FAF1: variants seen among roughly 807,000 people sequenced by gnomAD.
FAF1 encodes the protein FAS-associated factor 1.
A neutral mutation model predicts 92.5 loss-of-function variants in FAF1; 25 were observed. The observed-to-expected ratio is 0.27, with a 90% CI of 0.20 to 0.38. The LOEUF (loss-of-function observed/expected upper bound fraction) is 0.38, where lower values mean the gene tolerates loss of function less well. Ranked by LOEUF, FAF1 falls within the 10% of genes least tolerant of loss-of-function variation. The pLI is 1.00. For synonymous variants in FAF1, 234 were observed against 273.2 expected (o/e 0.86, Z 1.42); for missense variants, 636 against 793.3 (o/e 0.80, Z 2.38).
At chr1:50,667,038 G>A (rs1655671414) in intron 7 of FAF1, among the ~76,000 whole-genome samples, 1 of 152,332 alleles carries the variant, frequency 6.6e-6, no homozygotes, top group East Asian at 1.9e-4. Flanking sequence ...GTGCTGTAGA[G>A]GAAGAACAAC....
chr1:50,674,910 A>G lies in FAF1; in HGVS notation c.658-19382T>C, dbSNP rs984387985. On this transcript the variant is annotated intron_variant, in intron 7 of 18. Coordinates refer to ENST00000396153, the MANE Select transcript of FAF1 (RefSeq NM_007051.3). ...TTATTTTATTTTATTTTATTTTGAG[A>G]TGCAGTTTCGCTCTTTGTTGCCCAG... Among the ~76,000 whole-genome samples the G allele has an allele frequency of 3.4e-4, 37 of 109,354 alleles. No homozygotes were observed. In the South Asian group the frequency reaches 8.3e-3, roughly 25 times the overall value. 71.7% of individuals were successfully genotyped at this position (109,354 alleles called of 152,430 possible).
chr1:50,760,992 A>T (rs1569901269), intron 4 of FAF1, among the ~76,000 whole-genome samples: 2 of 152,304 alleles, frequency 1.3e-5, no homozygotes, highest in South Asian at 4.1e-4. Flanking sequence ...GCAATAAAAA[A>T]TGATAAAGGG....
At chr1:50,821,928 C>T (rs1026937372) in intron 2 of FAF1, among the ~76,000 whole-genome samples, 18 of 151,932 alleles carry the variant, frequency 1.2e-4, no homozygotes, top group Non-Finnish European at 2.1e-4. Flanking sequence ...AAATGGCCTA[C>T]GGTCACCGAA....
intron 8 of FAF1, among the ~76,000 whole-genome samples, chr1:50,597,912 T>A (rs1342659212): frequency 6.6e-6 from 1 of 152,250 alleles, no homozygotes; most frequent in Non-Finnish European, 1.5e-5. Context: ...AGGAGACGGC[T>A]AAGTGTAGAA....
chr1:50,736,870 T>A lies in FAF1; in HGVS notation c.551+1993A>T, dbSNP rs182659179. Among the ~76,000 whole-genome samples, 24 of 146,386 alleles carry A rather than the reference T, an allele frequency of 1.6e-4. 1 individual carries two copies. ...ATCAACTTTTAAGGTTCTGCATGGATTTTGTTTTGTTTTTTAAATTGTCTC... is the reference window on the plus strand; with the variant it reads ...ATCAACTTTTAAGGTTCTGCATGGAATTTGTTTTGTTTTTTAAATTGTCTC... On this transcript the variant is annotated intron_variant, in intron 6 of 18. Coordinates refer to ENST00000396153, the MANE Select transcript of FAF1 (RefSeq NM_007051.3).
At chr1:50,449,677 A>T (rs1646271341) in intron 18 of FAF1, among the ~76,000 whole-genome samples, 1 of 150,690 alleles carries the variant, frequency 6.6e-6, no homozygotes, top group South Asian at 2.1e-4. Flanking sequence ...TTTAGTAGAG[A>T]CAAGTTTTCG....
Position 50,472,856 on chromosome 1 carries a change from C to T in FAF1, c.1869+2608G>A, listed in dbSNP as rs575691759. 1.2e-4 allele frequency among the ~76,000 whole-genome samples: 18 copies of T among 152,200 alleles called. No homozygotes were observed. In the East Asian group the frequency reaches 1.7e-3, roughly 15 times the overall value. On this transcript the variant is annotated intron_variant, in intron 18 of 18. Transcript: ENST00000396153. ...GACACAGATGGCTGTTACAGAATAG[C>T]CTTGCAAAAACACTAGTCATTTGAC...
At chr1:50,906,289 G>C (rs1644837666) in intron 1 of FAF1, among the ~76,000 whole-genome samples, 1 of 152,184 alleles carries the variant, frequency 6.6e-6, no homozygotes, top group African/African-American at 2.4e-5. Context: ...TAGCTTTGTA[G>C]TATAGTTTGA....
chr1:50,923,278 G>A (rs184498143), intron 1 of FAF1, among the ~76,000 whole-genome samples: 1 of 151,960 alleles, frequency 6.6e-6, no homozygotes, highest in Non-Finnish European at 1.5e-5. Context: ...AAAAAATTTA[G>A]CCAGGCAAAG....
At chr1:50,865,346 C>A (rs992986793) in intron 1 of FAF1, among the ~76,000 whole-genome samples, 4 of 150,680 alleles carry the variant, frequency 2.7e-5, no homozygotes, top group African/African-American at 7.3e-5. Context: ...GGGTATATAC[C>A]CAAAGGACTA....
intron 2 of FAF1, chr1:50,846,618 T>A (rs1052412281): frequency 1.3e-5 from 7 of 531,234 alleles, no homozygotes; most frequent in Non-Finnish European, 1.9e-5. Context: ...CCTTGTAAGA[T>A]CTCCACCCAC....
intron 7 of FAF1, among the ~76,000 whole-genome samples, chr1:50,673,954 G>A (rs1054186546): frequency 6.6e-6 from 1 of 151,192 alleles, no homozygotes; most frequent in African/African-American, 2.4e-5. Context: ...GTGACTCTGA[G>A]GCTTTTTTTT....
At chr1:50,860,915 C>G (rs763546901) in intron 1 of FAF1, among the ~76,000 whole-genome samples, 1 of 151,790 alleles carries the variant, frequency 6.6e-6, no homozygotes, top group African/African-American at 2.4e-5. Context: ...AAGAGAACTA[C>G]GTCATGTCCT....
intron 17 of FAF1, among the ~76,000 whole-genome samples, chr1:50,483,404 C>T (rs1435424360): frequency 6.6e-6 from 1 of 152,046 alleles, no homozygotes; most frequent in Non-Finnish European, 1.5e-5. Context: ...AAGTCCTGCA[C>T]TCTAGTAACG....
intron 8 of FAF1, among the ~76,000 whole-genome samples, chr1:50,635,771 T>C (rs1653980617): frequency 6.6e-6 from 1 of 152,210 alleles, no homozygotes; most frequent in Admixed American, 6.5e-5. Flanking sequence ...CTTGATGTCA[T>C]GCCTGGCCTT....
chr1:50,712,908 T>A (rs1034397950), intron 6 of FAF1, among the ~76,000 whole-genome samples: 2 of 151,888 alleles, frequency 1.3e-5, no homozygotes, highest in African/African-American at 4.8e-5. Flanking sequence ...ACACCTGTAA[T>A]CTGAACACTT....
At chr1:50,573,629 G>C (rs1347479319) in intron 12 of FAF1, among the ~76,000 whole-genome samples, 2 of 152,020 alleles carry the variant, frequency 1.3e-5, no homozygotes, top group African/African-American at 2.4e-5. Context: ...AGACCAACAA[G>C]CATCAACCAA....
At chr1:50,925,900 A>G (rs1645002854) in intron 1 of FAF1, among the ~76,000 whole-genome samples, 1 of 152,218 alleles carries the variant, frequency 6.6e-6, no homozygotes, top group South Asian at 2.1e-4. Context: ...ACACAATAGA[A>G]TACTATTCCT....
intron 8 of FAF1, among the ~76,000 whole-genome samples, chr1:50,649,333 TAG>T (rs1327011396): frequency 2.6e-5 from 4 of 151,700 alleles, no homozygotes; most frequent in Non-Finnish European, 5.9e-5. Flanking sequence ...GTATTTTCAG[TAG>T]AGATGGGGTT....
Sources: gnomAD v4.1 joint callset for allele counts (sites outside exome capture counted in the v4.1 genomes callset) on GRCh38, gnomAD v4.1.1 for gene constraint, MANE v1.5 for transcripts, NCBI Gene and HGNC (gene_info 2026-07-23, HGNC 2026-07-21) for gene names.